Variants in DNER observed in about 807,000 individuals in gnomAD.
DNER encodes delta and Notch-like epidermal growth factor-related receptor.
In DNER, 33 loss-of-function variants were observed where a neutral mutation model predicts 78.2. The ratio of observed to expected loss-of-function variants is 0.42; its 90% CI spans 0.32 to 0.56. The LOEUF is 0.56. DNER is among the 20% of genes least tolerant of loss of function. DNER has a pLI of 0.11. For synonymous variants in DNER, 417 were observed against 384.8 expected (o/e 1.08, Z -0.98); for missense variants, 918 against 975.3 (o/e 0.94, Z 0.78).
intron 1 of DNER, among the ~76,000 whole-genome samples, chr2:229,623,179 T>G (rs1304970704): frequency 6.6e-6 from 1 of 152,106 alleles, no homozygotes; most frequent in Middle Eastern, 3.2e-3. Context: ...CTCCTCTAAT[T>G]GTAAAAGCTC....
intron 5 of DNER, among the ~76,000 whole-genome samples, chr2:229,535,287 C>T (rs76607058): frequency 0.019 from 2,917 of 152,220 alleles, 93 homozygotes; most frequent in African/African-American, 0.067. Context: ...TAGGTGAAGC[C>T]AAACAGTTTT....
At chr2:229,665,728 AT>A (rs1699082000) in intron 1 of DNER, among the ~76,000 whole-genome samples, 1 of 152,196 alleles carries the variant, frequency 6.6e-6, no homozygotes. Flanking sequence ...GGGGCCTAAT[AT>A]AGATTCCAAC....
chr2:229,551,949 T>A (rs1182013528), intron 4 of DNER, among the ~76,000 whole-genome samples: 1 of 150,938 alleles, frequency 6.6e-6, no homozygotes. Context: ...AATAAATAAA[T>A]AAATAAATAA....
intron 11 of DNER, among the ~76,000 whole-genome samples, chr2:229,368,331 C>T (rs1199487880): frequency 2.6e-5 from 4 of 152,268 alleles, no homozygotes; most frequent in African/African-American, 9.6e-5. Flanking sequence ...CCAACACACT[C>T]CAGTCTGGGC....
chr2:229,366,813 C>A, intron 12 of DNER, 60 bp downstream of exon 12: 1 of 1,604,028 alleles, frequency 6.2e-7, no homozygotes, highest in Non-Finnish European at 8.5e-7. Context: ...TATAATATGA[C>A]CCTGTTCCCA....
intron 8 of DNER, among the ~76,000 whole-genome samples, chr2:229,438,834 T>C (rs1694178152): frequency 6.6e-6 from 1 of 152,230 alleles, no homozygotes; most frequent in African/African-American, 2.4e-5. Context: ...AACAAAATTA[T>C]ACTTACACTT....
At chr2:229,499,511 G>A (rs1411389447) in intron 6 of DNER, among the ~76,000 whole-genome samples, 5 of 151,528 alleles carry the variant, frequency 3.3e-5, no homozygotes, top group African/African-American at 4.8e-5. Flanking sequence ...ATGGTGGTGG[G>A]AAAACTGGAC....
intron 1 of DNER, among the ~76,000 whole-genome samples, chr2:229,615,361 A>G (rs1207091299): frequency 6.7e-6 from 1 of 150,258 alleles, no homozygotes; most frequent in African/African-American, 2.5e-5. Flanking sequence ...TGGTGAGCCA[A>G]GACTGCACCT....
chr2:229,568,062 A>C (rs1418092821), intron 4 of DNER, among the ~76,000 whole-genome samples: 2 of 152,236 alleles, frequency 1.3e-5, no homozygotes, highest in Non-Finnish European at 2.9e-5. Flanking sequence ...GTCTGAAAAC[A>C]AAACTAAACA....
chr2:229,401,083 A>G (rs1475012331), intron 10 of DNER, among the ~76,000 whole-genome samples: 1 of 152,104 alleles, frequency 6.6e-6, no homozygotes, highest in African/African-American at 2.4e-5. Context: ...GATGCTAAAC[A>G]TCATTTATCA....
intron 1 of DNER, among the ~76,000 whole-genome samples, chr2:229,651,486 A>T (rs1698816193): frequency 6.6e-6 from 1 of 152,288 alleles, no homozygotes; most frequent in Non-Finnish European, 1.5e-5. Flanking sequence ...CAGGTTCTCA[A>T]GACATCACCT....
chr2:229,426,877 C>T (rs1368012769), intron 8 of DNER, among the ~76,000 whole-genome samples: 1 of 152,146 alleles, frequency 6.6e-6, no homozygotes, highest in African/African-American at 2.4e-5. Flanking sequence ...CACAATAAAG[C>T]CAGAAAATAC....
intron 5 of DNER, among the ~76,000 whole-genome samples, chr2:229,516,107 G>A (rs1278192552): frequency 1.3e-5 from 2 of 152,186 alleles, no homozygotes; most frequent in African/African-American, 2.4e-5. Context: ...ACTGAGAGAT[G>A]AGGAAGGAGG....
chr2:229,532,370 T>C (rs1696319954), intron 5 of DNER, among the ~76,000 whole-genome samples: 2 of 152,160 alleles, frequency 1.3e-5, no homozygotes, highest in African/African-American at 4.8e-5. Context: ...TCCCTCGGCC[T>C]ATTTCAATGT....
chr2:229,508,966 G>T (rs992053361), intron 6 of DNER, among the ~76,000 whole-genome samples: 27 of 152,176 alleles, frequency 1.8e-4, no homozygotes, highest in Admixed American at 4.6e-4. Context: ...CAGGGTGGTT[G>T]TTATCTGTTA....
chr2:229,695,086 T>C (rs1699641447), intron 1 of DNER, among the ~76,000 whole-genome samples: 1 of 152,198 alleles, frequency 6.6e-6, no homozygotes, highest in Non-Finnish European at 1.5e-5. Flanking sequence ...TTTTGCTCAG[T>C]ACTTCTCCTT....
At chr2:229,610,390 G>A (rs2154215151) in intron 1 of DNER, among the ~76,000 whole-genome samples, 1 of 152,292 alleles carries the variant, frequency 6.6e-6, no homozygotes. Context: ...GAAAGCAACT[G>A]TTCCACATTC....
chr2:229,713,958 C>T lies in DNER; in HGVS notation c.276+190G>A, dbSNP rs959995874. ...GGCTGGCCCCGCCCGGGAACCAGGG[C>T]GGGTAAGGGAATCAGGGTCGGCCCG... On this transcript the variant is annotated intron_variant, in intron 1 of 12. Coordinates refer to ENST00000341772, the MANE Select transcript of DNER (RefSeq NM_139072.4). Among the ~76,000 whole-genome samples, 6 of 152,232 alleles carry T rather than the reference C, an allele frequency of 3.9e-5. No homozygotes were observed. The South Asian group carries it at 8.3e-4, about 21-fold the overall frequency.
chr2:229,459,964 T>C (rs1270489261), intron 7 of DNER, among the ~76,000 whole-genome samples: 1 of 151,788 alleles, frequency 6.6e-6, no homozygotes, highest in Non-Finnish European at 1.5e-5. Flanking sequence ...GAGACCATCC[T>C]GTCTAACATG....
Sources: allele counts gnomAD v4.1 joint callset (sites outside exome capture counted in the v4.1 genomes callset), GRCh38; gene constraint gnomAD v4.1.1; transcripts MANE v1.5; gene names NCBI Gene and HGNC (gene_info 2026-07-23, HGNC 2026-07-21).